CACNA1A: variants seen among roughly 807,000 people sequenced by gnomAD.
CACNA1A encodes the protein voltage-dependent P/Q-type calcium channel subunit alpha-1A.
A neutral mutation model predicts 262.4 loss-of-function variants in CACNA1A; 57 were observed. The observed-to-expected ratio is 0.22, with a 90% CI of 0.18 to 0.27. The LOEUF is 0.27. CACNA1A is among the 10% of genes least tolerant of loss of function. CACNA1A has a pLI of 1.00. For synonymous variants in CACNA1A, 1,431 were observed against 1,419.3 expected (o/e 1.01, Z -0.18); for missense variants, 2,526 against 3,562.8 (o/e 0.71, Z 7.41).
In CACNA1A at chr19:13,262,657, C is replaced by T. The variant is rs143362470; in HGVS notation, c.4089+77G>A. The T allele has an allele frequency of 1.7e-4, 142 of 826,758 alleles. No individual in the cohort carries two copies. The African/African-American group carries it at 2.0e-3, about 12-fold the overall frequency. The allele number at this position is 826,758 out of a possible 1,614,324, so 51.2% of individuals were successfully genotyped here. ...CCTCCTTTAATGTGTTGTCCTTGAG[C>T]AGTGTACAACCTGCTCAGCTGTACA... is the stretch of plus-strand genomic sequence containing the variant. On this transcript the variant is annotated intron_variant, in intron 25 of 46. Transcript: ENST00000360228.
chr19:13,243,089 A>T (rs2056124420), intron 31 of CACNA1A, among the ~76,000 whole-genome samples: 1 of 152,168 alleles, frequency 6.6e-6, no homozygotes. Flanking sequence ...ACCCAAAGGG[A>T]CATTGGTTCA....
chr19:13,254,922 C>T (rs1476179206), intron 29 of CACNA1A, among the ~76,000 whole-genome samples, 173 bp downstream of exon 29: 3 of 151,864 alleles, frequency 2.0e-5, no homozygotes, highest in Non-Finnish European at 4.4e-5. Context: ...AGAAGCTGGC[C>T]GGGGGAGTGG....
intron 24 of CACNA1A, among the ~76,000 whole-genome samples, chr19:13,268,369 C>T (rs2056918920): frequency 6.6e-6 from 1 of 151,754 alleles, no homozygotes; most frequent in Non-Finnish European, 1.5e-5. Flanking sequence ...ATCAGAATGG[C>T]GGAAACCCTG....
chr19:13,324,688 C>T lies in CACNA1A; in HGVS notation c.1345+5556G>A, dbSNP rs144365289. On this transcript the variant is annotated intron_variant, in intron 10 of 46. Coordinates refer to ENST00000360228, the MANE Select transcript of CACNA1A (RefSeq NM_001127222.2). ...TTTGAGACCAGCCTGGGCAACATAG[C>T]CAGACCCCATCTCAACAACAACATC... is the stretch of plus-strand genomic sequence containing the variant. Among the ~76,000 whole-genome samples the T allele has an allele frequency of 3.0e-3, 450 of 150,966 alleles. 3 individuals are homozygous for T. The highest frequency in any genetic ancestry group is 0.01 in the African/African-American group (414 of 40,586).
intron 1 of CACNA1A, among the ~76,000 whole-genome samples, chr19:13,476,500 T>C (rs1411689499): frequency 6.6e-6 from 1 of 152,188 alleles, no homozygotes; most frequent in African/African-American, 2.4e-5. Context: ...CTAGAAATCC[T>C]ACTGGTCAAC....
At chr19:13,415,002 A>G (rs777785042) in intron 3 of CACNA1A, among the ~76,000 whole-genome samples, 2 of 151,874 alleles carry the variant, frequency 1.3e-5, no homozygotes, top group Non-Finnish European at 2.9e-5. Flanking sequence ...AACAGAAGAG[A>G]AGTTCTGAGA....
At chr19:13,466,518 T>C (rs1012229432) in intron 1 of CACNA1A, among the ~76,000 whole-genome samples, 3 of 151,994 alleles carry the variant, frequency 2.0e-5, no homozygotes, top group Admixed American at 6.6e-5. Context: ...TTTTTGCATT[T>C]TTAGTAGAGT....
At chr19:13,238,967 A>G (rs2055975196) in intron 31 of CACNA1A, among the ~76,000 whole-genome samples, 1 of 152,046 alleles carries the variant, frequency 6.6e-6, no homozygotes, top group African/African-American at 2.4e-5. Flanking sequence ...TGGGTCCTGC[A>G]GAGGACAACC....
intron 3 of CACNA1A, among the ~76,000 whole-genome samples, chr19:13,427,870 T>C (rs2060432952): frequency 6.6e-6 from 1 of 152,184 alleles, no homozygotes; most frequent in Non-Finnish European, 1.5e-5. Flanking sequence ...TCCGTAGCTG[T>C]GTGACCTTTG....
At chr19:13,430,270 G>C (rs1419605629) in intron 3 of CACNA1A, among the ~76,000 whole-genome samples, 1 of 151,990 alleles carries the variant, frequency 6.6e-6, no homozygotes, top group Non-Finnish European at 1.5e-5. Context: ...GCAATGGCAT[G>C]ATCTCAGCTC....
chr19:13,348,012 T>C (rs1006079066), intron 6 of CACNA1A, among the ~76,000 whole-genome samples: 2 of 152,022 alleles, frequency 1.3e-5, no homozygotes, highest in Non-Finnish European at 2.9e-5. Flanking sequence ...CTTCAAACCC[T>C]TGGGCTCAGG....
chr19:13,370,241 T>C (rs1372181577), intron 4 of CACNA1A, among the ~76,000 whole-genome samples: 7 of 151,214 alleles, frequency 4.6e-5, no homozygotes, highest in Admixed American at 1.3e-4. Flanking sequence ...GCTGGGATTA[T>C]AGATGCCCGC....
chr19:13,302,606 C>A (rs890117427), intron 17 of CACNA1A, among the ~76,000 whole-genome samples: 4 of 152,220 alleles, frequency 2.6e-5, no homozygotes, highest in Non-Finnish European at 5.9e-5. Flanking sequence ...AACGAACTGG[C>A]CTTTCTCCCT....
rs990925265 is a variant in CACNA1A at position 13,320,255 on chromosome 19, A to T, written c.1346-2934T>A. Among the ~76,000 whole-genome samples the T allele has an allele frequency of 6.6e-5, 10 of 151,766 alleles. No individual in the cohort carries two copies. The South Asian group carries it at 2.1e-3, about 32-fold the overall frequency. On this transcript the variant is annotated intron_variant, in intron 10 of 46. Transcript: ENST00000360228. ...CACAGATCGAGAGAGAGAGAGAGAG[A>T]GAGAGAGAGAGAGAGAGAGAAACCA... is the stretch of plus-strand genomic sequence containing the variant.
At chr19:13,381,685 C>G (rs991843277) in intron 3 of CACNA1A, among the ~76,000 whole-genome samples, 5 of 152,230 alleles carry the variant, frequency 3.3e-5, no homozygotes, top group Admixed American at 2.6e-4. Context: ...CCCCCTCACT[C>G]ACTCTGTTCC....
In CACNA1A at chr19:13,402,873, C is replaced by CATATAT. The variant is rs71170507; in HGVS notation, c.540-31100_540-31095dup. Reference sequence around the variant, plus strand: ...ATATATATATACACACACACACACACATATATATATATATATATATATATA... The same window carrying CATATAT: ...ATATATATATACACACACACACACACATATATATATATATATATATATATATATATA... On this transcript the variant is annotated intron_variant, in intron 3 of 46. Transcript: ENST00000360228. Among the ~76,000 whole-genome samples the CATATAT allele has an allele frequency of 1.2e-3, 88 of 72,786 alleles. 1 individual carries two copies. The highest frequency in any genetic ancestry group is 2.6e-3 in the East Asian group (8 of 3,046). The allele number at this position is 72,786 out of a possible 152,430, so 47.8% of individuals were successfully genotyped here.
At chr19:13,395,476 G>A (rs1438927834) in intron 3 of CACNA1A, among the ~76,000 whole-genome samples, 2 of 151,396 alleles carry the variant, frequency 1.3e-5, no homozygotes, top group South Asian at 2.1e-4. Context: ...GCTGGGCATG[G>A]TGGTGCTTAC....
At chr19:13,408,879 T>C (rs1440686450) in intron 3 of CACNA1A, among the ~76,000 whole-genome samples, 1 of 152,160 alleles carries the variant, frequency 6.6e-6, no homozygotes, top group Non-Finnish European at 1.5e-5. Context: ...TGTTGTAGGA[T>C]GAAGGCTGAA....
chr19:13,411,052 C>A (rs965693883), intron 3 of CACNA1A, among the ~76,000 whole-genome samples: 3 of 152,168 alleles, frequency 2.0e-5, no homozygotes, highest in African/African-American at 7.2e-5. Context: ...CTCTGACTTA[C>A]CTTTTTTGAA....
Sources: gnomAD v4.1 joint callset for allele counts (sites outside exome capture counted in the v4.1 genomes callset) on GRCh38, gnomAD v4.1.1 for gene constraint, MANE v1.5 for transcripts, NCBI Gene and HGNC (gene_info 2026-07-23, HGNC 2026-07-21) for gene names.